Variants in SPATA17 observed in about 807,000 individuals in gnomAD.
SPATA17 encodes the protein spermatogenesis associated 17, also known as spermatogenesis-associated protein 17.
A neutral mutation model predicts 62.2 loss-of-function variants in SPATA17; 53 were observed. That is an observed-to-expected ratio of 0.85 (90% CI 0.68 to 1.07). The LOEUF (loss-of-function observed/expected upper bound fraction) is 1.07. Among genes scored for constraint, SPATA17 ranks in the 50% least tolerant of loss-of-function variants. SPATA17 has a pLI of 0.00. For missense variants in SPATA17, 466 were observed against 425.5 expected (o/e 1.10, Z -0.84); for synonymous variants, 146 against 146.8 (o/e 0.99, Z 0.04).
chr1:217,684,902 A>G (rs1183614943), intron 5 of SPATA17, among the ~76,000 whole-genome samples: 1 of 152,186 alleles, frequency 6.6e-6, no homozygotes, highest in Non-Finnish European at 1.5e-5. Context: ...AGGATTACCT[A>G]TAGAGAAATT....
intron 8 of SPATA17, among the ~76,000 whole-genome samples, chr1:217,793,060 A>C (rs1674038081): frequency 6.6e-6 from 1 of 152,186 alleles, no homozygotes; most frequent in Admixed American, 6.5e-5. Context: ...ACTGTTCTTC[A>C]GTTAAAGAAA....
chr1:217,778,463 G>A (rs1340246378), intron 7 of SPATA17, among the ~76,000 whole-genome samples: 2 of 151,970 alleles, frequency 1.3e-5, no homozygotes, highest in African/African-American at 4.8e-5. Flanking sequence ...GGAGGTTGCA[G>A]TGAGCCGAGA....
At chr1:217,828,838 A>G (rs1403307456) in intron 9 of SPATA17, among the ~76,000 whole-genome samples, 1 of 152,228 alleles carries the variant, frequency 6.6e-6, no homozygotes, top group Non-Finnish European at 1.5e-5. Flanking sequence ...AGGTACATTA[A>G]AAGATGCTCA....
chr1:217,836,802 ATTATT>A (rs1459437040), intron 9 of SPATA17, among the ~76,000 whole-genome samples: 2 of 152,096 alleles, frequency 1.3e-5, no homozygotes, highest in Admixed American at 1.3e-4. Context: ...CTCCAGCTGT[ATTATT>A]TTGTTTTTAA....
At position 217,869,619 on chromosome 1, in the gene SPATA17, T is replaced by C. The variant is rs1239392112; in HGVS notation, c.*2600T>C. The C allele has an allele frequency of 6.6e-6, 1 of 152,130 alleles. No homozygotes were observed. The highest frequency in any genetic ancestry group is 2.4e-5 in the African/African-American group (1 of 41,438). 9.4% of individuals were successfully genotyped at this position (152,130 alleles called of 1,614,324 possible). A position where few individuals can be genotyped will look rare whatever the true frequency, so the allele number is the denominator to read the frequency against. On this transcript the variant is annotated 3_prime_UTR_variant, in exon 11 of 11. Coordinates refer to ENST00000366933, the MANE Select transcript of SPATA17 (RefSeq NM_138796.4). ...TGATATTTGTCATGTGATGCTATAC[T>C]ACAGTCAGGCTGAAACTTGGCATCT...
chr1:217,726,667 C>G (rs1428836047), intron 5 of SPATA17, among the ~76,000 whole-genome samples: 1 of 151,338 alleles, frequency 6.6e-6, no homozygotes, highest in Non-Finnish European at 1.5e-5. Context: ...GGGGTTGTGA[C>G]TGTTCCTTGT....
chr1:217,759,479 G>C (rs1052600333), intron 6 of SPATA17, among the ~76,000 whole-genome samples: 1 of 151,932 alleles, frequency 6.6e-6, no homozygotes, highest in Non-Finnish European at 1.5e-5. Context: ...GGAAAAAGTA[G>C]ATGAGTACCA....
At chr1:217,795,006 C>G (rs944386204) in intron 8 of SPATA17, among the ~76,000 whole-genome samples, 1 of 152,158 alleles carries the variant, frequency 6.6e-6, no homozygotes, top group Admixed American at 6.5e-5. Flanking sequence ...TTTATTAATA[C>G]TACGCTAACA....
intron 6 of SPATA17, among the ~76,000 whole-genome samples, chr1:217,772,838 A>G (rs1241150089): frequency 6.6e-6 from 1 of 152,230 alleles, no homozygotes; most frequent in African/African-American, 2.4e-5. Context: ...TATAATTTTG[A>G]AACAGTGTAA....
At chr1:217,755,328 T>C (rs10779303) in intron 6 of SPATA17, among the ~76,000 whole-genome samples, 116,226 of 151,824 alleles carry the variant, frequency 0.77, 44,890 homozygotes, top group Non-Finnish European at 0.81. Flanking sequence ...ATGTTATTCA[T>C]AGAGTATCAC....
intron 5 of SPATA17, among the ~76,000 whole-genome samples, chr1:217,715,009 A>G (rs12143196): frequency 0.13 from 20,047 of 152,156 alleles, 1,443 homozygotes; most frequent in Non-Finnish European, 0.16. Context: ...TGATGAAACT[A>G]AAGTATGTTG....
At chr1:217,796,455 T>C (rs1191059450) in intron 8 of SPATA17, among the ~76,000 whole-genome samples, 3 of 152,170 alleles carry the variant, frequency 2.0e-5, no homozygotes, top group Non-Finnish European at 4.4e-5. Flanking sequence ...AAAATATCTT[T>C]CCAGTTAAAT....
At chr1:217,733,161 A>T (rs1348960846) in intron 5 of SPATA17, among the ~76,000 whole-genome samples, 1 of 152,192 alleles carries the variant, frequency 6.6e-6, no homozygotes, top group Non-Finnish European at 1.5e-5. Context: ...ATTTTATAAC[A>T]TTGACCATTA....
intron 9 of SPATA17, among the ~76,000 whole-genome samples, chr1:217,828,977 T>C (rs1371447771): frequency 6.6e-6 from 1 of 152,070 alleles, no homozygotes; most frequent in African/African-American, 2.4e-5. Context: ...AAGGGAACCC[T>C]AGTACACTGT....
At chr1:217,805,872 C>G (rs1192772815) in intron 9 of SPATA17, among the ~76,000 whole-genome samples, 2 of 152,172 alleles carry the variant, frequency 1.3e-5, no homozygotes, top group Non-Finnish European at 2.9e-5. Context: ...CCAAAGTAAT[C>G]TGTTGAGTTA....
rs2102874013 is a variant in SPATA17, at chr1:217,636,249, A to G, written c.68+4803A>G. On this transcript the variant is annotated intron_variant, in intron 1 of 10. Coordinates refer to ENST00000366933, the MANE Select transcript of SPATA17 (RefSeq NM_138796.4). The stretch of plus-strand genomic sequence containing the variant: ...ACTTTCAATGTCTTCAGTTTTGGTA[A>G]CAAGGTAGGGACAGAAATGCTTCTT... Among the ~76,000 whole-genome samples, 2 of 152,256 alleles carry G rather than the reference A, an allele frequency of 1.3e-5. 1 individual carries two copies. Among genetic ancestry groups the G allele is most frequent in the South Asian group, 4.2e-4 (2 of 4,814 alleles).
chr1:217,693,242 G>T (rs1427194729), intron 5 of SPATA17, among the ~76,000 whole-genome samples: 3 of 146,422 alleles, frequency 2.0e-5, no homozygotes, highest in South Asian at 2.2e-4. Context: ...GTCGAGGAAT[G>T]TATCCATTTC....
At chr1:217,787,663 G>T (rs1193165755) in intron 8 of SPATA17, among the ~76,000 whole-genome samples, 1 of 151,962 alleles carries the variant, frequency 6.6e-6, no homozygotes, top group Admixed American at 6.6e-5. Flanking sequence ...GTTTTCCAGG[G>T]GTATCTATTG....
At chr1:217,665,319 C>T (rs1186492572) in intron 3 of SPATA17, 1 of 152,074 alleles carries the variant, frequency 6.6e-6, no homozygotes, top group African/African-American at 2.4e-5. Context: ...ATCAATCAGC[C>T]CAATTAGGAT....
Sources: allele counts gnomAD v4.1 joint callset (sites outside exome capture counted in the v4.1 genomes callset), GRCh38; gene constraint gnomAD v4.1.1; transcripts MANE v1.5; gene names NCBI Gene and HGNC (gene_info 2026-07-23, HGNC 2026-07-21).